Variants in RBSN observed in about 807,000 individuals in gnomAD.
RBSN encodes the protein rabenosyn-5.
Under a neutral mutation model 60.5 loss-of-function variants are expected in RBSN, and 34 were observed. The observed-to-expected ratio is 0.56, with a 90% CI of 0.43 to 0.75. RBSN has a LOEUF of 0.75. Among genes scored for constraint, RBSN ranks in the 30% least tolerant of loss-of-function variants. RBSN has a pLI of 0.00. For missense variants in RBSN, 845 were observed against 986.8 expected, an observed-to-expected ratio of 0.86 and a Z score of 1.92; for synonymous variants, 322 against 366.9, an observed-to-expected ratio of 0.88 and a Z score of 1.40.
At position 15,071,323 on chromosome 3, in the gene RBSN, ACTACCTG is replaced by A; in HGVS notation, c.*2452_*2458del. ...TGGAAAGCAGCAATTAGCTTCTGGA[ACTACCTG>A]CTTTTCAGTTCATCCTCTTTTCAGA... is the stretch of plus-strand genomic sequence containing the variant. On this transcript the variant is annotated 3_prime_UTR_variant, in exon 14 of 14. Transcript: ENST00000253699. 6.6e-6 allele frequency: 1 copy of A among 152,354 alleles called. No individual in the cohort carries two copies. Among genetic ancestry groups the A allele is most frequent in the African/African-American group, 2.4e-5 (1 of 41,582 alleles). The allele number at this position is 152,354 out of a possible 1,614,324, so 9.4% of individuals were successfully genotyped here.
chr3:15,074,603 C>T lies in RBSN; in HGVS notation c.1534G>A (p.Ala512Thr). The T allele has an allele frequency of 6.2e-7, 1 of 1,614,256 alleles. No individual in the cohort carries two copies. The highest frequency in any genetic ancestry group is 8.5e-7 in the Non-Finnish European group (1 of 1,180,048). Residue 512 changes from alanine to threonine, a missense_variant, in exon 14 of 14, where the codon GCT becomes ACT. Ala to Thr is a moderately conservative substitution (Grantham distance 58). Coordinates refer to ENST00000253699, the MANE Select transcript of RBSN (RefSeq NM_022340.4). The surrounding 1 kb of genome is among the most constrained non-coding windows in gnomAD (Gnocchi z 6.4). ...TCCCGCTGCAGGTCCTCCTCCTCAG[C>T]CTGCCTCCGGGACAGCTCGATGGCC... ...EKAIELSRRQ[A>T]EEEDLQREQL...
chr3:15,079,243 A>G (rs1359975637), intron 10 of RBSN, among the ~76,000 whole-genome samples: 1 of 152,240 alleles, frequency 6.6e-6, no homozygotes, highest in African/African-American at 2.4e-5. Flanking sequence ...CTGTGTTCCA[A>G]TAAAACTTTA....
At chr3:15,080,016 G>A (rs900282010) in intron 10 of RBSN, among the ~76,000 whole-genome samples, 6 of 152,142 alleles carry the variant, frequency 3.9e-5, no homozygotes, top group East Asian at 1.9e-4. Flanking sequence ...AAGCCAAGGC[G>A]GGTGGATCAC....
Position 15,077,249 on chromosome 3 carries a change from G to T in RBSN, c.999-85C>A. On this transcript the variant is annotated intron_variant, in intron 11 of 13. Coordinates refer to ENST00000253699, the MANE Select transcript of RBSN (RefSeq NM_022340.4). The surrounding 1 kb of genome is among the most constrained non-coding windows in gnomAD (Gnocchi z 4.4). ...AAAGTATAACATCTGGAGTTGCCAG[G>T]CTTTCATGCCAGGAAGGTGTGTAAA... The T allele has an allele frequency of 1.7e-6, 2 of 1,161,890 alleles. No homozygotes were observed. Among genetic ancestry groups the T allele is most frequent in the Non-Finnish European group, 2.6e-6 (2 of 775,932 alleles). The allele number at this position is 1,161,890 out of a possible 1,614,324, so 72.0% of individuals were successfully genotyped here. A position where few individuals can be genotyped will look rare whatever the true frequency, so the allele number is the denominator to read the frequency against.
In RBSN at chr3:15,070,303, T is replaced by C. The variant is rs2042902052; in HGVS notation, c.*3479A>G. The C allele has an allele frequency of 6.6e-6, 1 of 152,630 alleles. No individual in the cohort carries two copies. Among genetic ancestry groups the C allele is most frequent in the Admixed American group, 6.5e-5 (1 of 15,280 alleles). 9.5% of individuals were successfully genotyped at this position (152,630 alleles called of 1,614,324 possible). A position where few individuals can be genotyped will look rare whatever the true frequency, so the allele number is the denominator to read the frequency against. On this transcript the variant is annotated 3_prime_UTR_variant, in exon 14 of 14. Transcript: ENST00000253699. Reference sequence around the variant, plus strand: ...AATGACTCAGAGGTACATTTTAGTATCTGAACAGCAAAGACATATTGAGCT... The same window carrying C: ...AATGACTCAGAGGTACATTTTAGTACCTGAACAGCAAAGACATATTGAGCT...
At chr3:15,089,467 A>C (rs1352741931) in intron 5 of RBSN, among the ~76,000 whole-genome samples, 23 of 113,120 alleles carry the variant, frequency 2.0e-4, no homozygotes, top group South Asian at 4.6e-4. Context: ...AAAAAAAAAA[A>C]AAAAAAAAAA....
intron 10 of RBSN, among the ~76,000 whole-genome samples, 167 bp from the exon 11 acceptor site, chr3:15,078,328 A>C (rs2043104734): frequency 6.6e-6 from 1 of 152,172 alleles, no homozygotes; most frequent in Admixed American, 6.5e-5. Context: ...GAATGAATGA[A>C]TCAAGTGGAA....
chr3:15,085,790 A>G, intron 6 of RBSN, 71 bp downstream of exon 6: 1 of 1,265,422 alleles, frequency 7.9e-7, no homozygotes. Flanking sequence ...CACAGGCTAT[A>G]GAAATGTGAT....
rs759335854 is a variant in RBSN, at chr3:15,082,655, A to G, written c.599-47T>C. The G allele has an allele frequency of 6.3e-6, 10 of 1,599,498 alleles. No individual in the cohort carries two copies. Among genetic ancestry groups the G allele is most frequent in the South Asian group, 1.1e-5 (1 of 89,624 alleles). ...GCAGCAATGACCCCCACAGCATCCA[A>G]TTACCATACCCACGACCTCAAGGTG... On this transcript the variant is annotated intron_variant, in intron 8 of 13. Transcript: ENST00000253699. The surrounding 1 kb of genome is among the most constrained non-coding windows in gnomAD (Gnocchi z 4.2).
In RBSN at chr3:15,084,968, T is replaced by G. The variant is rs1247420866; in HGVS notation, c.436+32A>C. ...GCTTTGGTCAGGGAAAAAAAGATAA[T>G]AAGATGAATGTGAGCAAAGTTTTAA... On this transcript the variant is annotated intron_variant, in intron 7 of 13. Coordinates refer to ENST00000253699, the MANE Select transcript of RBSN (RefSeq NM_022340.4). This position sits in a 1 kb window ranked among gnomAD's most constrained non-coding sequence, Gnocchi z 4.2. 6.2e-7 allele frequency: 1 copy of G among 1,614,012 alleles called. No homozygotes were observed. Among genetic ancestry groups the G allele is most frequent in the Admixed American group, 1.7e-5 (1 of 59,988 alleles).
chr3:15,076,118 A>C (rs2043047946), intron 12 of RBSN, among the ~76,000 whole-genome samples: 1 of 152,110 alleles, frequency 6.6e-6, no homozygotes, highest in Non-Finnish European at 1.5e-5. Flanking sequence ...CTAGAACATA[A>C]GCTTAATGAG....
intron 2 of RBSN, among the ~76,000 whole-genome samples, chr3:15,097,855 A>C (rs2043704126): frequency 6.6e-6 from 1 of 152,010 alleles, no homozygotes; most frequent in Non-Finnish European, 1.5e-5. Context: ...CAAATGAGAC[A>C]CCAGGTCCCT....
In RBSN at chr3:15,084,108, C is replaced by T. The variant is rs1326678873; in HGVS notation, c.598+627G>A. ...CAAACTAAGTATAATTTTCACATTG[C>T]TATTTTATTTTATTTATTTATTTTT... On this transcript the variant is annotated intron_variant, in intron 8 of 13. Transcript: ENST00000253699. The surrounding 1 kb of genome is among the most constrained non-coding windows in gnomAD (Gnocchi z 4.2). 6.6e-6 allele frequency among the ~76,000 whole-genome samples: 1 copy of T among 152,078 alleles called. No homozygotes were observed. The highest frequency in any genetic ancestry group is 2.4e-5 in the African/African-American group (1 of 41,410).
intron 12 of RBSN, among the ~76,000 whole-genome samples, chr3:15,076,656 A>G (rs1242319771): frequency 6.6e-6 from 1 of 152,180 alleles, no homozygotes; most frequent in East Asian, 1.9e-4. Context: ...TTAGGAGATT[A>G]TCCTAAGGAA....
In RBSN at chr3:15,096,232, G is replaced by T; in HGVS notation, c.-112C>A. The T allele has an allele frequency of 1.7e-6, 2 of 1,176,934 alleles. No homozygotes were observed. The highest frequency in any genetic ancestry group is 2.3e-6 in the Non-Finnish European group (2 of 884,726). The allele number at this position is 1,176,934 out of a possible 1,614,324, so 72.9% of individuals were successfully genotyped here. ...CATTAGCTTAAGCAGCACACAGATG[G>T]TGAGGAAGTGGCTTCATGGCCCTGG... On this transcript the variant is annotated 5_prime_UTR_variant, in exon 4 of 14. Transcript: ENST00000253699.
Position 15,077,172 on chromosome 3 carries a change from G to T in RBSN, c.999-8C>A. On this transcript the variant is annotated splice_polypyrimidine_tract_variant and splice_region_variant and intron_variant, in intron 11 of 13. Coordinates refer to ENST00000253699, the MANE Select transcript of RBSN (RefSeq NM_022340.4). The surrounding 1 kb of genome is among the most constrained non-coding windows in gnomAD (Gnocchi z 4.4). ...AAGGTTAAGATCTTCTTACTGAATT[G>T]GAACAAACACATGAATATAATGAGC... 1 of 1,609,722 alleles carries T rather than the reference G, an allele frequency of 6.2e-7. No homozygotes were observed. The highest frequency in any genetic ancestry group is 8.5e-7 in the Non-Finnish European group (1 of 1,176,086).
chr3:15,098,137 C>T lies in RBSN; in HGVS notation c.-363G>A, dbSNP rs2043716100. 1 of 152,310 alleles carries T rather than the reference C, an allele frequency of 6.6e-6. No homozygotes were observed. Among genetic ancestry groups the T allele is most frequent in the Non-Finnish European group, 1.5e-5 (1 of 68,074 alleles). 9.4% of individuals were successfully genotyped at this position (152,310 alleles called of 1,614,324 possible). ...CTCTTACTCAGAGCATCAGAATGGA[C>T]TTCTCCTTCACAGCACTCATCTCAA... On this transcript the variant is annotated 5_prime_UTR_variant, in exon 2 of 14. Coordinates refer to ENST00000253699, the MANE Select transcript of RBSN (RefSeq NM_022340.4).
At chr3:15,086,118 T>C (rs9811505) in intron 5 of RBSN, 157 bp from the exon 6 acceptor site, 21,900 of 487,666 alleles carry the variant, frequency 0.045, 789 homozygotes, top group South Asian at 0.088. Flanking sequence ...AAAAAAATAG[T>C]CAGGCATGGG....
At chr3:15,088,173 T>C (rs932311104) in intron 5 of RBSN, among the ~76,000 whole-genome samples, 4 of 152,008 alleles carry the variant, frequency 2.6e-5, no homozygotes, top group Non-Finnish European at 5.9e-5. Context: ...AAATATTAAC[T>C]TCTAAAATTT....
Sources: gnomAD v4.1 joint callset for allele counts (sites outside exome capture counted in the v4.1 genomes callset) on GRCh38, gnomAD v4.1.1 for gene constraint, Gnocchi (gnomAD v3.1) non-coding constraint, MANE v1.5 for transcripts, NCBI Gene and HGNC (gene_info 2026-07-23, HGNC 2026-07-21) for gene names.